Variants in ADAMTS19 observed in about 807,000 individuals in gnomAD.
ADAMTS19 encodes the protein A disintegrin and metalloproteinase with thrombospondin motifs 19.
Under a neutral mutation model 153.3 loss-of-function variants are expected in ADAMTS19, and 93 were observed. The ratio of observed to expected loss-of-function variants is 0.61; its 90% CI spans 0.51 to 0.72. The LOEUF (loss-of-function observed/expected upper bound fraction) is 0.72, where lower values mean the gene tolerates loss of function less well. ADAMTS19 is among the 30% of genes least tolerant of loss of function. The pLI is 0.00. For synonymous variants in ADAMTS19, 600 were observed against 556.6 expected, an observed-to-expected ratio of 1.08 and a Z score of -1.10; for missense variants, 1,482 against 1,552.1, an observed-to-expected ratio of 0.95 and a Z score of 0.76.
At chr5:129,523,726 T>C (rs1486864066) in intron 3 of ADAMTS19, among the ~76,000 whole-genome samples, 1 of 151,898 alleles carries the variant, frequency 6.6e-6, no homozygotes, top group Non-Finnish European at 1.5e-5. Context: ...GATCAGACTA[T>C]AGAGAATACC....
chr5:129,532,622 A>C (rs2126777715), intron 6 of ADAMTS19, among the ~76,000 whole-genome samples: 1 of 152,336 alleles, frequency 6.6e-6, no homozygotes, highest in East Asian at 1.9e-4. Flanking sequence ...TATTCACATA[A>C]AAAATTGCAC....
At chr5:129,465,566 T>C (rs1749828255) in intron 2 of ADAMTS19, among the ~76,000 whole-genome samples, 1 of 152,218 alleles carries the variant, frequency 6.6e-6, no homozygotes, top group South Asian at 2.1e-4. Context: ...TTATTTTTTA[T>C]CTTATTTGCA....
intron 16 of ADAMTS19, 57 bp downstream of exon 16, chr5:129,665,636 G>C: frequency 7.4e-7 from 1 of 1,353,658 alleles, no homozygotes; most frequent in Non-Finnish European, 1.0e-6. Context: ...TCCCTGCCCT[G>C]AGAGTTCTAT....
At chr5:129,539,794 A>C (rs929441827) in intron 6 of ADAMTS19, among the ~76,000 whole-genome samples, 1 of 152,128 alleles carries the variant, frequency 6.6e-6, no homozygotes, top group African/African-American at 2.4e-5. Context: ...GGGTACACAT[A>C]TATAAAATAC....
At chr5:129,605,711 T>A (rs1056318081) in intron 8 of ADAMTS19, among the ~76,000 whole-genome samples, 1 of 152,242 alleles carries the variant, frequency 6.6e-6, no homozygotes, top group Admixed American at 6.5e-5. Context: ...TTATAACTTA[T>A]GCTTGTAATA....
chr5:129,565,132 C>T (rs1284972472), intron 7 of ADAMTS19, among the ~76,000 whole-genome samples: 1 of 152,134 alleles, frequency 6.6e-6, no homozygotes, highest in Admixed American at 6.5e-5. Context: ...TATTAACCAT[C>T]ACAATTATTT....
intron 3 of ADAMTS19, among the ~76,000 whole-genome samples, chr5:129,510,984 T>C (rs1401166422): frequency 6.6e-6 from 1 of 151,602 alleles, no homozygotes; most frequent in African/African-American, 2.4e-5. Flanking sequence ...AGCTTACCTA[T>C]TTTCAGATGC....
intron 8 of ADAMTS19, among the ~76,000 whole-genome samples, chr5:129,614,937 T>C (rs532276054): frequency 2.6e-5 from 4 of 152,258 alleles, no homozygotes; most frequent in East Asian, 3.9e-4. Context: ...CCATTCACAA[T>C]TGATTCAACG....
rs977044991 is a variant in ADAMTS19, at chr5:129,615,604, T to C, written c.1479-5014T>C. Among the ~76,000 whole-genome samples, 5 of 152,098 alleles carry C rather than the reference T, an allele frequency of 3.3e-5. No individual in the cohort carries two copies. In the South Asian group the frequency reaches 8.3e-4, roughly 25 times the overall value. On this transcript the variant is annotated intron_variant, in intron 8 of 22. Coordinates refer to ENST00000274487, the MANE Select transcript of ADAMTS19 (RefSeq NM_133638.6). Reference sequence around the variant, plus strand: ...CCAGGGCAAATGAAAAGTTTTTGCATAGGAAACTAGCTTTTTTATATTAAT... The same window carrying C: ...CCAGGGCAAATGAAAAGTTTTTGCACAGGAAACTAGCTTTTTTATATTAAT...
intron 2 of ADAMTS19, among the ~76,000 whole-genome samples, chr5:129,507,037 A>C (rs1296232694): frequency 6.6e-6 from 1 of 151,990 alleles, no homozygotes; most frequent in African/African-American, 2.4e-5. Context: ...GGAGTCATTA[A>C]ATTTTATGTG....
chr5:129,684,034 TA>T, intron 17 of ADAMTS19, 85 bp from the exon 18 acceptor site: 1 of 1,384,576 alleles, frequency 7.2e-7, no homozygotes. Flanking sequence ...ATGAGCATTT[TA>T]AGTATCAATA....
Position 129,653,554 on chromosome 5 carries a change from G to C in ADAMTS19, c.2177-752G>C, listed in dbSNP as rs548472822. Among the ~76,000 whole-genome samples the C allele has an allele frequency of 2.0e-5, 3 of 152,258 alleles. No individual in the cohort carries two copies. The South Asian group carries it at 6.2e-4, about 32-fold the overall frequency. On this transcript the variant is annotated intron_variant, in intron 13 of 22. Transcript: ENST00000274487. ...AATAAAAGTTCTCAACCTAGATATCGTACACAACGACATGGTTTCTGCATA... is the reference window on the plus strand; with the variant it reads ...AATAAAAGTTCTCAACCTAGATATCCTACACAACGACATGGTTTCTGCATA...
rs866356761 is a variant in ADAMTS19, at chr5:129,694,795, A to G, written c.2894A>G (p.Lys965Arg). ...NISIVDNEKC[K>R]YLTKPEPQIR... ...AGCATTGTGGACAATGAGAAATGCA[A>G]ATACTTAACCAAGCCAGAGCCACAG... Residue 965 changes from lysine to arginine, a missense_variant, in exon 19 of 23, where the codon AAA (lysine) becomes AGA (arginine). Physicochemically the swap from Lys to Arg is conservative, Grantham distance 26. This residue lies in a region of ADAMTS19 where 616 missense variants were observed against 724.4 expected (regional missense o/e 0.85). Transcript: ENST00000274487. 6.2e-7 allele frequency: 1 copy of G among 1,609,822 alleles called. No individual in the cohort carries two copies. The highest frequency in any genetic ancestry group is 1.3e-5 in the African/African-American group (1 of 74,818).
chr5:129,547,712 G>C (rs2126812362), intron 6 of ADAMTS19, among the ~76,000 whole-genome samples: 1 of 150,664 alleles, frequency 6.6e-6, no homozygotes, highest in Non-Finnish European at 1.5e-5. Flanking sequence ...AGCCCGCATT[G>C]CCAAGCCAAT....
chr5:129,586,194 C>G (rs1229582000), intron 7 of ADAMTS19, among the ~76,000 whole-genome samples: 1 of 152,132 alleles, frequency 6.6e-6, no homozygotes, highest in African/African-American at 2.4e-5. Flanking sequence ...CACCCAAGTC[C>G]ACAGTTTTCA....
At chr5:129,652,455 A>T (rs1276899739) in intron 13 of ADAMTS19, among the ~76,000 whole-genome samples, 3 of 152,220 alleles carry the variant, frequency 2.0e-5, no homozygotes, top group Admixed American at 6.5e-5. Flanking sequence ...GGTATTTCAC[A>T]TACTTTGTGT....
intron 8 of ADAMTS19, among the ~76,000 whole-genome samples, chr5:129,597,336 C>T (rs1392598210): frequency 6.6e-6 from 1 of 152,096 alleles, no homozygotes; most frequent in African/African-American, 2.4e-5. Flanking sequence ...TGTAAGTACT[C>T]ACAACAATTT....
chr5:129,611,309 A>T (rs1422282299), intron 8 of ADAMTS19, among the ~76,000 whole-genome samples: 6 of 152,010 alleles, frequency 3.9e-5, no homozygotes, highest in African/African-American at 1.5e-4. Context: ...CCCATTTGTC[A>T]ATGTTGGCTT....
chr5:129,524,304 C>T (rs1194036309), intron 3 of ADAMTS19, among the ~76,000 whole-genome samples: 1 of 152,106 alleles, frequency 6.6e-6, no homozygotes, highest in Admixed American at 6.6e-5. Context: ...CAAAAATTCA[C>T]TCAAGATAGA....
Sources: gnomAD v4.1 joint callset for allele counts (sites outside exome capture counted in the v4.1 genomes callset) on GRCh38, gnomAD v4.1.1 for gene constraint, gnomAD v4.1.1 regional missense constraint, MANE v1.5 for transcripts, NCBI Gene and HGNC (gene_info 2026-07-23, HGNC 2026-07-21) for gene names.